Variants in SHD observed in about 807,000 individuals in gnomAD.
SHD encodes the protein SH2 domain-containing adapter protein D.
In SHD, 29 loss-of-function variants were observed where a neutral mutation model predicts 31.2. That is an observed-to-expected ratio of 0.93 (90% CI 0.69 to 1.27). SHD has a LOEUF of 1.27. SHD is among the 50% of genes most tolerant of loss of function. The pLI, the probability that SHD is intolerant of heterozygous loss-of-function variation, is 0.00. For synonymous variants in SHD, 208 were observed against 187.8 expected (o/e 1.11, Z -0.88); for missense variants, 520 against 453.8 (o/e 1.15, Z -1.33).
chr19:4,284,896 G>C lies in SHD; in HGVS notation c.708G>C (p.Glu236Asp), dbSNP rs774271821. The change falls in exon 4 of 6, where the codon GAG becomes GAC. Residue 236 changes from glutamate (E) to aspartate (D), a missense_variant. By Grantham distance (45) the Glu-to-Asp change is conservative. Transcript: ENST00000543264. ...GTGTGGACCCAGCCCTGCCCCTGGAGAAACAGCCGTGAGTGGGGAAGCTGA... is the reference window on the plus strand; with the variant it reads ...GTGTGGACCCAGCCCTGCCCCTGGACAAACAGCCGTGAGTGGGGAAGCTGA... ...AERVDPALPL[E>D]KQPWFHGPLN... 1 of 1,597,422 alleles carries C rather than the reference G, an allele frequency of 6.3e-7. No homozygotes were observed. Among genetic ancestry groups the C allele is most frequent in the South Asian group, 1.1e-5 (1 of 89,914 alleles).
At chr19:4,288,838 A>G (rs1284203188) in intron 5 of SHD, among the ~76,000 whole-genome samples, 1 of 152,130 alleles carries the variant, frequency 6.6e-6, no homozygotes, top group Non-Finnish European at 1.5e-5. Context: ...TGGAAGATCT[A>G]AAAGCACGAG....
chr19:4,285,776 C>T lies in SHD; in HGVS notation c.716+872C>T, dbSNP rs539720447. On this transcript the variant is annotated intron_variant, in intron 4 of 5. Transcript: ENST00000543264. ...TGTTGGCCAGGCTGGTCTGGAACTC[C>T]TGACCTCATGATCCATCCACCTCGG... is the stretch of plus-strand genomic sequence containing the variant. Among the ~76,000 whole-genome samples, 65 of 151,908 alleles carry T rather than the reference C, an allele frequency of 4.3e-4. 1 individual carries two copies. Among genetic ancestry groups the T allele is most frequent in the Non-Finnish European group, 2.8e-4 (19 of 67,994 alleles).
intron 4 of SHD, among the ~76,000 whole-genome samples, chr19:4,286,110 TCAAA>T (rs1971307041): frequency 6.6e-6 from 1 of 151,896 alleles, no homozygotes; most frequent in Non-Finnish European, 1.5e-5. Context: ...CAGGCTGGTC[TCAAA>T]CTCCTGACCT....
intron 5 of SHD, among the ~76,000 whole-genome samples, chr19:4,289,778 A>G (rs1198835430): frequency 6.7e-6 from 1 of 149,860 alleles, no homozygotes; most frequent in Non-Finnish European, 1.5e-5. Flanking sequence ...TCACCGTGTT[A>G]GCCAGGATGG....
Position 4,279,918 on chromosome 19 carries a change from C to A in SHD, c.-146C>A. 9.9e-7 allele frequency: 1 copy of A among 1,008,388 alleles called. No individual in the cohort carries two copies. Among genetic ancestry groups the A allele is most frequent in the Non-Finnish European group, 1.4e-6 (1 of 700,476 alleles). 62.5% of individuals were successfully genotyped at this position (1,008,388 alleles called of 1,614,324 possible). On this transcript the variant is annotated 5_prime_UTR_variant, in exon 1 of 6. Transcript: ENST00000543264. The surrounding 1 kb of genome is among the most constrained non-coding windows in gnomAD (Gnocchi z 7.5). ...TCCTTCCCTCTATCCATCCAGAGCC[C>A]CGCCAAAGGGCGCACCTGATCTTTC...
chr19:4,280,911 C>T (rs1971250812), intron 1 of SHD, among the ~76,000 whole-genome samples: 1 of 151,998 alleles, frequency 6.6e-6, no homozygotes, highest in South Asian at 2.1e-4. Flanking sequence ...CCTCCTCCTC[C>T]TCCATGGTCA....
chr19:4,281,448 CAAAAAAAAAAAAAA>C (rs56171246), intron 1 of SHD, among the ~76,000 whole-genome samples: 2 of 49,672 alleles, frequency 4.0e-5, no homozygotes, highest in African/African-American at 1.8e-4. Context: ...CACCCTGTCT[CAAAAAAAAAAAAAA>C]AAAAAAAAAA....
chr19:4,282,288 C>A (rs112665307), intron 1 of SHD, among the ~76,000 whole-genome samples: 51 of 152,080 alleles, frequency 3.4e-4, no homozygotes, highest in Admixed American at 2.2e-3. Context: ...GGTTTGGTGG[C>A]CGGCACCAGT....
At chr19:4,284,060 T>C (rs1054367360) in intron 3 of SHD, among the ~76,000 whole-genome samples, 31 of 151,236 alleles carry the variant, frequency 2.0e-4, no homozygotes, top group African/African-American at 6.5e-4. Flanking sequence ...TCCCAGCACT[T>C]TGAGAGGCCG....
chr19:4,286,558 T>C (rs1215656686), intron 4 of SHD, among the ~76,000 whole-genome samples: 2 of 152,086 alleles, frequency 1.3e-5, no homozygotes, highest in Admixed American at 1.3e-4. Flanking sequence ...TGCTTCTCTG[T>C]CTTTGATATC....
chr19:4,286,603 T>G (rs1971321259), intron 4 of SHD, among the ~76,000 whole-genome samples: 1 of 152,096 alleles, frequency 6.6e-6, no homozygotes, highest in African/African-American at 2.4e-5. Flanking sequence ...GTGAGCACAT[T>G]AAAGCAAAAC....
intron 4 of SHD, 120 bp downstream of exon 4, chr19:4,285,024 A>C (rs1971295369): frequency 8.2e-7 from 1 of 1,221,152 alleles, no homozygotes; most frequent in Admixed American, 3.0e-5. Flanking sequence ...CGATTCATTC[A>C]TCCACTTATT....
At chr19:4,286,640 C>T (rs1466795946) in intron 4 of SHD, among the ~76,000 whole-genome samples, 1 of 152,172 alleles carries the variant, frequency 6.6e-6, no homozygotes, top group Non-Finnish European at 1.5e-5. Context: ...TGGCTCACGC[C>T]TGTTATCCCA....
chr19:4,283,098 G>A lies in SHD; in HGVS notation c.448G>A (p.Glu150Lys). 6.2e-7 allele frequency: 1 copy of A among 1,614,106 alleles called. No homozygotes were observed. ...GCAGCTCTATGACACCCCTTATGAG[G>A]AACAGGACCCAGAGACAGCAGATGG... ...GVQLYDTPYE[E>K]QDPETADGPP... Residue 150 changes from glutamate to lysine, a missense_variant, in exon 3 of 6, where the codon GAA becomes AAA. Transcript: ENST00000543264.
rs1013792602 is a variant in SHD, at chr19:4,288,269, C to T, written c.743C>T (p.Ala248Val). ...QPWFHGPLNR[A>V]DAESLLSLCK... ...TGGTTTCATGGCCCCCTGAACAGGG[C>T]GGATGCAGAGAGCCTCCTGTCCCTC... is the stretch of plus-strand genomic sequence containing the variant. Residue 248 changes from alanine (A) to valine (V), a missense_variant, in exon 5 of 6, where the codon GCG (alanine) becomes GTG (valine). Coordinates refer to ENST00000543264, the MANE Select transcript of SHD (RefSeq NM_020209.4). 17 of 1,613,546 alleles carry T rather than the reference C, an allele frequency of 1.1e-5. No individual in the cohort carries two copies. The highest frequency in any genetic ancestry group is 8.8e-5 in the South Asian group (8 of 91,066).
At chr19:4,287,658 G>A (rs958918348) in intron 4 of SHD, among the ~76,000 whole-genome samples, 8 of 151,810 alleles carry the variant, frequency 5.3e-5, no homozygotes, top group Admixed American at 2.0e-4. Context: ...GGTGCTATGC[G>A]CCTGTAGTTC....
intron 4 of SHD, 40 bp downstream of exon 4, chr19:4,284,944 G>C (rs962266049): frequency 3.3e-6 from 5 of 1,512,188 alleles, no homozygotes; most frequent in Non-Finnish European, 4.4e-6. Flanking sequence ...CCCGTTGAAC[G>C]TATCTGTAGA....
In SHD at chr19:4,283,112, G is replaced by A; in HGVS notation, c.462G>A (p.Glu154=). 6.2e-7 allele frequency: 1 copy of A among 1,614,164 alleles called. No individual in the cohort carries two copies. The highest frequency in any genetic ancestry group is 8.5e-7 in the Non-Finnish European group (1 of 1,180,028). The change falls in exon 3 of 6, where the codon GAG becomes GAA. Residue 154 remains glutamate, a synonymous_variant. Transcript: ENST00000543264. ...YDTPYEEQDP[E]TADGPPSGQK... is the part of the protein sequence containing the mutation. ...CCCCTTATGAGGAACAGGACCCAGA[G>A]ACAGCAGATGGACCCCCTTCTGGGC...
chr19:4,279,857 T>C lies in SHD; in HGVS notation c.-207T>C. 1.6e-6 allele frequency: 1 copy of C among 628,150 alleles called. No homozygotes were observed. Among genetic ancestry groups the C allele is most frequent in the Non-Finnish European group, 2.7e-6 (1 of 371,454 alleles). 38.9% of individuals were successfully genotyped at this position (628,150 alleles called of 1,614,324 possible). A position where few individuals can be genotyped will look rare whatever the true frequency, so the allele number is the denominator to read the frequency against. On this transcript the variant is annotated 5_prime_UTR_variant, in exon 1 of 6. Coordinates refer to ENST00000543264, the MANE Select transcript of SHD (RefSeq NM_020209.4). The surrounding 1 kb of genome is among the most constrained non-coding windows in gnomAD (Gnocchi z 7.5). Reference sequence around the variant, plus strand: ...AAGGCGGGCTTCTCTTCCTCCCTCCTCTGTCGCCTCCTTTTCCTCCCCCTC... The same window carrying C: ...AAGGCGGGCTTCTCTTCCTCCCTCCCCTGTCGCCTCCTTTTCCTCCCCCTC...
Sources: gnomAD v4.1 joint callset for allele counts (sites outside exome capture counted in the v4.1 genomes callset) on GRCh38, gnomAD v4.1.1 for gene constraint, Gnocchi (gnomAD v3.1) non-coding constraint, MANE v1.5 for transcripts, NCBI Gene and HGNC (gene_info 2026-07-23, HGNC 2026-07-21) for gene names.